Variants in SAMMSON observed in about 807,000 individuals in gnomAD.
SAMMSON encodes the protein survival associated mitochondrial melanoma specific oncogenic non-coding RNA.
intron 4 of SAMMSON, among the ~76,000 whole-genome samples, chr3:70,129,950 T>G (rs140953411): frequency 1.8e-4 from 27 of 152,330 alleles, no homozygotes; most frequent in African/African-American, 5.5e-4. Flanking sequence ...GTTACTATAC[T>G]CGAGCAAATT....
intron 4 of SAMMSON, among the ~76,000 whole-genome samples, chr3:70,224,364 T>C (rs757038193): frequency 3.3e-5 from 5 of 152,160 alleles, no homozygotes; most frequent in Non-Finnish European, 7.4e-5. Flanking sequence ...CAAACTTCCA[T>C]GGCTGAGCTG....
At chr3:70,320,471 G>C (rs1486028895) in intron 7 of SAMMSON, among the ~76,000 whole-genome samples, 1 of 152,036 alleles carries the variant, frequency 6.6e-6, no homozygotes, top group Non-Finnish European at 1.5e-5. Flanking sequence ...ATTAAAATCA[G>C]TTATGGAAAA....
Position 70,345,454 on chromosome 3 carries a change from C to T in SAMMSON, n.740-8721C>T, listed in dbSNP as rs1345332946. The stretch of plus-strand genomic sequence containing the variant: ...TTGTAATTCAGCCAGATAGTTTTGT[C>T]CCATTTTGCATTTTATCATTTGATT... On this transcript the variant is annotated intron_variant and non_coding_transcript_variant, in intron 7 of 9. Coordinates refer to ENST00000642114, the Ensembl canonical transcript of SAMMSON. Among the ~76,000 whole-genome samples the T allele has an allele frequency of 4.6e-5, 7 of 152,258 alleles. No homozygotes were observed. The East Asian group carries it at 1.3e-3, about 29-fold the overall frequency.
At chr3:70,023,172 T>G (rs2067022551) in intron 3 of SAMMSON, among the ~76,000 whole-genome samples, 1 of 152,036 alleles carries the variant, frequency 6.6e-6, no homozygotes, top group African/African-American at 2.4e-5. Flanking sequence ...ATATGTTTCT[T>G]TAGGCCAGGC....
intron 7 of SAMMSON, among the ~76,000 whole-genome samples, chr3:70,341,339 G>T (rs1437042383): frequency 6.6e-6 from 1 of 151,888 alleles, no homozygotes; most frequent in East Asian, 1.9e-4. Context: ...GTTTTTTTTG[G>T]CCTGCTTTAA....
At chr3:70,018,025 G>C (rs1055732324) in intron 3 of SAMMSON, among the ~76,000 whole-genome samples, 1 of 152,100 alleles carries the variant, frequency 6.6e-6, no homozygotes, top group Admixed American at 6.6e-5. Context: ...TGTTCATCAG[G>C]GATATTGGTC....
At chr3:70,397,595 T>C (rs1701102692) in intron 2 of SAMMSON, among the ~76,000 whole-genome samples, 1 of 152,172 alleles carries the variant, frequency 6.6e-6, no homozygotes, top group African/African-American at 2.4e-5. Flanking sequence ...GTGTGTGTGA[T>C]TTCGGATTAA....
At chr3:70,395,331 CTTTTTT>C (rs71126501) in intron 2 of SAMMSON, among the ~76,000 whole-genome samples, 1 of 113,676 alleles carries the variant, frequency 8.8e-6, no homozygotes. Flanking sequence ...CTCTCTCTCT[CTTTTTT>C]TTTTTTTTTT....
intron 9 of SAMMSON, among the ~76,000 whole-genome samples, chr3:70,388,719 A>T (rs1479033133): frequency 6.6e-6 from 1 of 152,132 alleles, no homozygotes; most frequent in East Asian, 1.9e-4. Context: ...TGATGCCTTT[A>T]GTTGGGGGAC....
chr3:70,188,540 G>T (rs958888501), intron 4 of SAMMSON, among the ~76,000 whole-genome samples: 7 of 152,190 alleles, frequency 4.6e-5, no homozygotes, highest in Admixed American at 3.3e-4. Flanking sequence ...AATAATGAAA[G>T]GGATGGTATA....
At chr3:70,341,906 G>A (rs970243266) in intron 7 of SAMMSON, among the ~76,000 whole-genome samples, 1 of 152,154 alleles carries the variant, frequency 6.6e-6, no homozygotes, top group Non-Finnish European at 1.5e-5. Context: ...CAATAGATCA[G>A]TAATATGTAA....
intron 4 of SAMMSON, among the ~76,000 whole-genome samples, chr3:70,170,043 G>A (rs1212455446): frequency 6.6e-6 from 1 of 151,912 alleles, no homozygotes; most frequent in Non-Finnish European, 1.5e-5. Flanking sequence ...CCCTCTGGAA[G>A]CAGTTATGTG....
In SAMMSON at chr3:70,245,714, T is replaced by TATATAC. The variant is rs1553648300; in HGVS notation, n.508-3392_508-3391insTATACA. Among the ~76,000 whole-genome samples, 9 of 123,944 alleles carry TATATAC rather than the reference T, an allele frequency of 7.3e-5. No homozygotes were observed. In the East Asian group the frequency reaches 1.8e-3, roughly 25 times the overall value. The allele number at this position is 123,944 out of a possible 152,430, so 81.3% of individuals were successfully genotyped here. On this transcript the variant is annotated intron_variant and non_coding_transcript_variant, in intron 4 of 9. Transcript: ENST00000642114. ...ATATATATATATATATATATATATA[T>TATATAC]ACACATTCAAATGCAAAATAAAGCT...
In SAMMSON at chr3:70,158,092, G is replaced by A. The variant is rs138899685; in HGVS notation, n.507+86527G>A. Reference sequence around the variant, plus strand: ...ATAATTTACCCTTTTGACGTGTACAGTTCCAAATTTTTAAAGTAAATTTAC... The same window carrying A: ...ATAATTTACCCTTTTGACGTGTACAATTCCAAATTTTTAAAGTAAATTTAC... On this transcript the variant is annotated intron_variant and non_coding_transcript_variant, in intron 4 of 9. Coordinates refer to ENST00000642114, the Ensembl canonical transcript of SAMMSON. Among the ~76,000 whole-genome samples, 542 of 152,186 alleles carry A rather than the reference G, an allele frequency of 3.6e-3. 2 individuals carry two copies. Among genetic ancestry groups the A allele is most frequent in the African/African-American group, 0.012 (506 of 41,528 alleles).
chr3:70,127,650 C>G (rs9849630), intron 4 of SAMMSON: 41,505 of 151,022 alleles, frequency 0.27, 5,971 homozygotes, highest in East Asian at 0.51. Context: ...ACATTTTGTT[C>G]TATTTTTTTG....
At chr3:70,098,845 C>A (rs1024938143) in intron 4 of SAMMSON, among the ~76,000 whole-genome samples, 1 of 151,976 alleles carries the variant, frequency 6.6e-6, no homozygotes, top group Admixed American at 6.6e-5. Context: ...TAAAGTGTGG[C>A]GATTATTGTT....
chr3:70,110,735 A>G (rs1428142711), intron 4 of SAMMSON, among the ~76,000 whole-genome samples: 1 of 152,124 alleles, frequency 6.6e-6, no homozygotes, highest in Non-Finnish European at 1.5e-5. Flanking sequence ...GCTATGGGTG[A>G]CCCATTGTTG....
At chr3:70,306,867 C>G (rs1702406129) in intron 7 of SAMMSON, among the ~76,000 whole-genome samples, 2 of 152,020 alleles carry the variant, frequency 1.3e-5, no homozygotes, top group Admixed American at 6.5e-5. Context: ...TGATTGGTGT[C>G]TTGACTTTGC....
chr3:70,247,195 T>C (rs1701715654), intron 4 of SAMMSON, among the ~76,000 whole-genome samples: 1 of 152,050 alleles, frequency 6.6e-6, no homozygotes, highest in Non-Finnish European at 1.5e-5. Context: ...CTTCCCTGTG[T>C]TTTCAGACAT....
Sources: gnomAD v4.1 joint callset for allele counts (sites outside exome capture counted in the v4.1 genomes callset) on GRCh38, gnomAD v4.1.1 for gene constraint, MANE v1.5 for transcripts, NCBI Gene and HGNC (gene_info 2026-07-23, HGNC 2026-07-21) for gene names.